Variants in PDZRN4 observed in about 807,000 individuals in gnomAD.
The protein encoded by PDZRN4 is PDZ domain-containing RING finger protein 4.
A neutral mutation model predicts 99.0 loss-of-function variants in PDZRN4; 70 were observed. The observed-to-expected ratio is 0.71, with a 90% CI of 0.58 to 0.86. The LOEUF (loss-of-function observed/expected upper bound fraction) is 0.86, where lower values mean the gene tolerates loss of function less well. Ranked by LOEUF, PDZRN4 falls within the 40% of genes least tolerant of loss-of-function variation. The probability of loss-of-function intolerance (pLI) is 0.00; values close to 1 mark genes in which losing one functional copy is unlikely to be tolerated. For synonymous variants in PDZRN4, 551 were observed against 501.6 expected (o/e 1.10, Z -1.32); for missense variants, 1,474 against 1,331.2 (o/e 1.11, Z -1.67).
chr12:41,265,572 G>C (rs1951270196), intron 3 of PDZRN4, among the ~76,000 whole-genome samples: 1 of 152,106 alleles, frequency 6.6e-6, no homozygotes, highest in African/African-American at 2.4e-5. Flanking sequence ...AGGCATTAAA[G>C]AACTACATTA....
intron 3 of PDZRN4, among the ~76,000 whole-genome samples, chr12:41,277,268 C>T (rs143595628): frequency 2.6e-5 from 4 of 152,286 alleles, no homozygotes; most frequent in African/African-American, 9.6e-5. Context: ...TAAAACCCTG[C>T]TTCCCATCAA....
intron 5 of PDZRN4, among the ~76,000 whole-genome samples, chr12:41,510,605 A>G (rs1426359705): frequency 6.6e-6 from 1 of 152,154 alleles, no homozygotes; most frequent in Non-Finnish European, 1.5e-5. Context: ...ACATTTAAAA[A>G]TAAAATAGAT....
chr12:41,331,383 A>G (rs1466140111), intron 3 of PDZRN4, among the ~76,000 whole-genome samples: 3 of 152,114 alleles, frequency 2.0e-5, no homozygotes, highest in Non-Finnish European at 4.4e-5. Flanking sequence ...AAACAATTAC[A>G]TCTCTCAAAA....
At chr12:41,427,526 A>T (rs1952547303) in intron 3 of PDZRN4, among the ~76,000 whole-genome samples, 1 of 152,168 alleles carries the variant, frequency 6.6e-6, no homozygotes, top group Non-Finnish European at 1.5e-5. Flanking sequence ...ATATACTTCT[A>T]GATTACTTCA....
rs555299997 is a variant in PDZRN4 at position 41,361,621 on chromosome 12, A to T, written c.844-144835A>T. ...CTATTTATATTTCACTGGTAGACAT[A>T]AATGACATCCCATCACAAAAAAAGA... On this transcript the variant is annotated intron_variant, in intron 3 of 9. Coordinates refer to ENST00000402685, the MANE Select transcript of PDZRN4 (RefSeq NM_001164595.2). 3.9e-5 allele frequency among the ~76,000 whole-genome samples: 6 copies of T among 152,216 alleles called. No homozygotes were observed. The East Asian group carries it at 1.2e-3, about 29-fold the overall frequency.
intron 5 of PDZRN4, among the ~76,000 whole-genome samples, chr12:41,530,525 TTGG>T (rs1938642759): frequency 6.6e-6 from 1 of 152,196 alleles, no homozygotes; most frequent in Non-Finnish European, 1.5e-5. Context: ...ATGTATTCAC[TTGG>T]TGGGCGTTTG....
chr12:41,403,828 T>A lies in PDZRN4; in HGVS notation c.844-102628T>A, dbSNP rs11180894. On this transcript the variant is annotated intron_variant, in intron 3 of 9. Transcript: ENST00000402685. The stretch of plus-strand genomic sequence containing the variant: ...TTAGTACCAGGCATATGAAATGCAA[T>A]TCTAAAAATCACAAAAAAATGCAAT... Among the ~76,000 whole-genome samples the A allele has an allele frequency of 3.8e-3, 579 of 152,244 alleles. 17 individuals are homozygous for A. In the East Asian group the frequency reaches 0.09, roughly 24 times the overall value.
At chr12:41,470,492 C>T (rs11180934) in intron 3 of PDZRN4, among the ~76,000 whole-genome samples, 4,436 of 50,834 alleles carry the variant, frequency 0.087, 182 homozygotes, top group East Asian at 0.34. Context: ...GCTTCACTTC[C>T]TTTTTTTTTA....
intron 3 of PDZRN4, chr12:41,412,066 T>C (rs1360391773): frequency 6.6e-6 from 1 of 152,190 alleles, no homozygotes; most frequent in Non-Finnish European, 1.5e-5. Flanking sequence ...TACATAAACT[T>C]CAATTAATAT....
chr12:41,343,687 G>C (rs1951833352), intron 3 of PDZRN4, among the ~76,000 whole-genome samples: 1 of 151,188 alleles, frequency 6.6e-6, no homozygotes, highest in African/African-American at 2.4e-5. Context: ...GGCAACCATT[G>C]TTATCAGTAA....
chr12:41,512,113 A>G (rs1422478689), intron 5 of PDZRN4, among the ~76,000 whole-genome samples: 2 of 152,064 alleles, frequency 1.3e-5, no homozygotes, highest in Non-Finnish European at 2.9e-5. Flanking sequence ...TTCAACCTAA[A>G]CATGAGCACA....
At chr12:41,309,245 C>T (rs916286339) in intron 3 of PDZRN4, among the ~76,000 whole-genome samples, 1 of 152,104 alleles carries the variant, frequency 6.6e-6, no homozygotes, top group Non-Finnish European at 1.5e-5. Flanking sequence ...AAACAGAATA[C>T]CATAGACTAG....
chr12:41,442,925 C>T (rs1952692536), intron 3 of PDZRN4, among the ~76,000 whole-genome samples: 1 of 152,132 alleles, frequency 6.6e-6, no homozygotes. Context: ...CCAATACCTT[C>T]CTATGATAAA....
intron 9 of PDZRN4, among the ~76,000 whole-genome samples, chr12:41,570,961 A>T (rs7304173): frequency 0.54 from 81,423 of 151,264 alleles, 22,046 homozygotes; most frequent in South Asian, 0.64. Flanking sequence ...GTTACTTTTT[A>T]TCCTGCCACT....
intron 3 of PDZRN4, among the ~76,000 whole-genome samples, chr12:41,443,477 G>T (rs181489930): frequency 2.2e-4 from 33 of 152,208 alleles, no homozygotes; most frequent in African/African-American, 7.5e-4. Context: ...AGACCCTAAA[G>T]AATTTCCCAT....
chr12:41,396,764 C>G (rs1386407269), intron 3 of PDZRN4, among the ~76,000 whole-genome samples: 1 of 152,096 alleles, frequency 6.6e-6, no homozygotes, highest in African/African-American at 2.4e-5. Context: ...TATTCTTTAA[C>G]TAGAAGATCT....
intron 5 of PDZRN4, among the ~76,000 whole-genome samples, chr12:41,517,509 T>A (rs571994350): frequency 2.4e-4 from 36 of 152,188 alleles, no homozygotes; most frequent in African/African-American, 8.7e-4. Flanking sequence ...TTTTACAATA[T>A]AAAGCAAAAT....
intron 3 of PDZRN4, among the ~76,000 whole-genome samples, chr12:41,497,150 C>CA (rs1243507820): frequency 6.6e-6 from 1 of 152,092 alleles, no homozygotes; most frequent in East Asian, 1.9e-4. Context: ...AAAGATGGGA[C>CA]AAAAAAGATC....
At chr12:41,231,497 G>T (rs1168087262) in intron 3 of PDZRN4, among the ~76,000 whole-genome samples, 1 of 152,004 alleles carries the variant, frequency 6.6e-6, no homozygotes, top group Non-Finnish European at 1.5e-5. Context: ...AGTGATGGTG[G>T]CATGCAAATA....
Sources: gnomAD v4.1 joint callset for allele counts (sites outside exome capture counted in the v4.1 genomes callset) on GRCh38, gnomAD v4.1.1 for gene constraint, MANE v1.5 for transcripts, NCBI Gene and HGNC (gene_info 2026-07-23, HGNC 2026-07-21) for gene names.